Variants in LRIF1 observed in about 807,000 individuals in gnomAD.
LRIF1 encodes ligand-dependent nuclear receptor-interacting factor 1.
Under a neutral mutation model 52.7 loss-of-function variants are expected in LRIF1, and 32 were observed. That is an observed-to-expected ratio of 0.61 (90% CI 0.46 to 0.82). LRIF1 has a LOEUF of 0.82. Ranked by LOEUF, LRIF1 falls within the 40% of genes least tolerant of loss-of-function variation. The pLI, the probability that LRIF1 is intolerant of heterozygous loss-of-function variation, is 0.00. For missense variants in LRIF1, 887 were observed against 892.0 expected, an observed-to-expected ratio of 0.99 and a Z score of 0.07; for synonymous variants, 323 against 317.4, an observed-to-expected ratio of 1.02 and a Z score of -0.19.
At chr1:110,921,641 C>A in the LRIF1 span, among the ~76,000 whole-genome samples, 1 of 151,972 alleles carries the variant, frequency 6.6e-6, no homozygotes, top group African/African-American at 2.4e-5. Context: ...TATATAGTCT[C>A]AAAATTTATA....
At chr1:110,907,810 C>G in the LRIF1 span, among the ~76,000 whole-genome samples, 1 of 152,238 alleles carries the variant, frequency 6.6e-6, no homozygotes, top group Non-Finnish European at 1.5e-5. Flanking sequence ...ATGGCCCACT[C>G]ACACACACCA....
At chr1:110,925,443 A>G in the LRIF1 span, among the ~76,000 whole-genome samples, 1 of 152,246 alleles carries the variant, frequency 6.6e-6, no homozygotes, top group Non-Finnish European at 1.5e-5. Flanking sequence ...ACGCGCATAC[A>G]CATACACATA....
rs1557839823 is a variant in LRIF1, at chr1:110,952,256, G to GT, written c.627dup (p.Leu210ThrfsTer13). The GT allele has an allele frequency of 6.2e-7, 1 of 1,614,214 alleles. No individual in the cohort carries two copies. Among genetic ancestry groups the GT allele is most frequent in the Non-Finnish European group, 8.5e-7 (1 of 1,180,038 alleles). On this transcript the variant is annotated frameshift_variant, in exon 2 of 4. Transcript: ENST00000369763. LOFTEE classifies it high-confidence loss of function. The stretch of plus-strand genomic sequence containing the variant: ...GAGGTACTGGTGGTGGCAGTTGCAA[G>GT]TATCTTTTGCTGCACTGAAGGAGGC...
In LRIF1 at chr1:110,951,910, T is replaced by C. The variant is rs1658496362; in HGVS notation, c.974A>G (p.Lys325Arg). ...ATTTATAGTATTATCTCCCAAATTTTTCCTATCTACAAAAGTTTTTAAAAT... is the reference window on the plus strand; with the variant it reads ...ATTTATAGTATTATCTCCCAAATTTCTCCTATCTACAAAAGTTTTTAAAAT... ...SKILKTFVDR[K>R]NLGDNTINMP... is the part of the protein sequence containing the mutation. The change falls in exon 2 of 4, where the codon AAA (lysine) becomes AGA (arginine). Residue 325 changes from lysine to arginine, a missense_variant. Physicochemically the swap from Lys to Arg is conservative, Grantham distance 26 (BLOSUM62 2). Transcript: ENST00000369763. 5 of 1,613,946 alleles carry C rather than the reference T, an allele frequency of 3.1e-6. No individual in the cohort carries two copies. Among genetic ancestry groups the C allele is most frequent in the Admixed American group, 1.7e-5 (1 of 59,984 alleles).
the LRIF1 span, chr1:110,936,569 C>T: frequency 9.9e-5 from 15 of 151,836 alleles, no homozygotes; most frequent in East Asian, 1.9e-4. Flanking sequence ...GCAAGCTTCA[C>T]GGTGATCTCA....
intron 1 of LRIF1, among the ~76,000 whole-genome samples, chr1:110,957,301 C>CAAAAAAAAA (rs35011841): frequency 2.5e-3 from 200 of 80,360 alleles, no homozygotes; most frequent in Middle Eastern, 8.5e-3. Context: ...ACTAAAAATA[C>CAAAAAAAAA]AAAAAAAAAA....
Position 110,952,596 on chromosome 1 carries a change from G to T in LRIF1, c.288C>A (p.Pro96=), listed in dbSNP as rs764468723. Residue 96 remains proline (P), a synonymous_variant, in exon 2 of 4, where the codon CCC becomes CCA. Transcript: ENST00000369763. ...SSSTSASVQL[P]IFQPASSSNY... ...TTGAAGAACTGGCTGGCTGAAAAAT[G>T]GGCAATTGAACTGATGCACTTGTGG... 164 of 1,613,772 alleles carry T rather than the reference G, an allele frequency of 1.0e-4. No homozygotes were observed. The highest frequency in any genetic ancestry group is 1.4e-4 in the Non-Finnish European group (163 of 1,179,828).
the LRIF1 span, chr1:110,940,532 AT>A: frequency 6.6e-6 from 1 of 152,356 alleles, no homozygotes; most frequent in African/African-American, 2.4e-5. Context: ...CTGAACTTCC[AT>A]GTTTGTTGCC....
intron 1 of LRIF1, among the ~76,000 whole-genome samples, chr1:110,953,325 C>G (rs1039035271): frequency 1.3e-5 from 2 of 152,164 alleles, no homozygotes; most frequent in Admixed American, 1.3e-4. Flanking sequence ...CATGGTGTTA[C>G]CTTAGTTTGC....
At chr1:110,931,339 A>G in the LRIF1 span, among the ~76,000 whole-genome samples, 1 of 152,186 alleles carries the variant, frequency 6.6e-6, no homozygotes, top group African/African-American at 2.4e-5. Flanking sequence ...GCTGCATAGT[A>G]TTCCATGGTG....
chr1:110,918,641 G>A, the LRIF1 span, among the ~76,000 whole-genome samples: 1 of 152,138 alleles, frequency 6.6e-6, no homozygotes, highest in African/African-American at 2.4e-5. Flanking sequence ...AAGAGACAGT[G>A]AGAAAACTCC....
the LRIF1 span, among the ~76,000 whole-genome samples, chr1:110,913,401 A>G: frequency 2.0e-5 from 3 of 152,310 alleles, no homozygotes; most frequent in African/African-American, 2.4e-5. Context: ...ACATTTGCAA[A>G]CTATACATCT....
the LRIF1 span, chr1:110,940,841 A>G: frequency 6.6e-6 from 1 of 152,220 alleles, no homozygotes; most frequent in South Asian, 2.1e-4. Context: ...GTACTTGGGC[A>G]CTGGAGGGGG....
At chr1:110,894,314 T>C in the LRIF1 span, 2 of 1,613,114 alleles carry the variant, frequency 1.2e-6, no homozygotes, top group Non-Finnish European at 1.7e-6. Flanking sequence ...AGAATGTATC[T>C]GCTTTGTCCC....
rs377597305 is a variant in LRIF1, at chr1:110,951,850, G to A, written c.1034C>T (p.Thr345Met). Residue 345 changes from threonine to methionine, a missense_variant, in exon 2 of 4, where the codon ACG becomes ATG. Transcript: ENST00000369763. ...PPLSTIDPSG[T>M]RSKNMPIKDN... ...TTTAATAGGCATATTTTTGGATCGCGTCCCACTAGGATCGATGGTACTCAA... is the reference window on the plus strand; with the variant it reads ...TTTAATAGGCATATTTTTGGATCGCATCCCACTAGGATCGATGGTACTCAA... 1.2e-4 allele frequency: 195 copies of A among 1,613,162 alleles called. No homozygotes were observed. The highest frequency in any genetic ancestry group is 1.6e-4 in the Non-Finnish European group (184 of 1,179,992).
At chr1:110,950,612 A>G (rs2101107460) in intron 2 of LRIF1, among the ~76,000 whole-genome samples, 1 of 152,236 alleles carries the variant, frequency 6.6e-6, no homozygotes, top group Non-Finnish European at 1.5e-5. Flanking sequence ...AATATCTAGT[A>G]AGCACACAGA....
the LRIF1 span, among the ~76,000 whole-genome samples, chr1:110,913,507 T>C: frequency 1.3e-5 from 2 of 152,162 alleles, no homozygotes; most frequent in Non-Finnish European, 2.9e-5. Context: ...CAGACACTTC[T>C]CAAAAGAAGG....
chr1:110,901,017 T>TC, the LRIF1 span, among the ~76,000 whole-genome samples: 1 of 152,176 alleles, frequency 6.6e-6, no homozygotes, highest in Non-Finnish European at 1.5e-5. Flanking sequence ...TGGTTTCTGT[T>TC]CCTGAAGTTT....
chr1:110,912,260 G>A, the LRIF1 span, among the ~76,000 whole-genome samples: 1 of 151,842 alleles, frequency 6.6e-6, no homozygotes, highest in African/African-American at 2.4e-5. Context: ...CGCCCAGACT[G>A]GAGTGCAGTG....
Sources: gnomAD v4.1 joint callset for allele counts (sites outside exome capture counted in the v4.1 genomes callset) on GRCh38, gnomAD v4.1.1 for gene constraint, MANE v1.5 for transcripts, NCBI Gene and HGNC (gene_info 2026-07-23, HGNC 2026-07-21) for gene names.